The following MYH11 variants were observed in gnomAD, a reference collection of about 807,000 sequenced individuals.
MYH11 encodes the protein myosin-11.
A neutral mutation model predicts 246.6 loss-of-function variants in MYH11; 80 were observed. That is an observed-to-expected ratio of 0.32 (90% CI 0.27 to 0.39). The LOEUF (loss-of-function observed/expected upper bound fraction) is 0.39. Among genes scored for constraint, MYH11 ranks in the 10% least tolerant of loss-of-function variants. The pLI is 1.00. For missense variants in MYH11, 2,158 were observed against 2,546.8 expected (o/e 0.85, Z 3.29); for synonymous variants, 1,071 against 1,015.5 (o/e 1.05, Z -1.04).
chr16:15,798,426 T>C (rs1355333650), intron 4 of MYH11, among the ~76,000 whole-genome samples: 1 of 152,014 alleles, frequency 6.6e-6, no homozygotes, highest in Non-Finnish European at 1.5e-5. Context: ...TGGAACCAAA[T>C]GATAGCAGGT....
intron 27 of MYH11, among the ~76,000 whole-genome samples, chr16:15,729,178 A>T (rs1335483402): frequency 6.6e-6 from 1 of 152,032 alleles, no homozygotes; most frequent in Non-Finnish European, 1.5e-5. Context: ...ATGGGCTCCC[A>T]GAAACCTTAG....
At chr16:15,845,456 C>T (rs1049058700) in intron 1 of MYH11, among the ~76,000 whole-genome samples, 4 of 152,164 alleles carry the variant, frequency 2.6e-5, no homozygotes, top group African/African-American at 9.7e-5. Flanking sequence ...TACCCTTTCT[C>T]ACTTCCGGTG....
chr16:15,855,983 C>G (rs1193328388), intron 1 of MYH11, among the ~76,000 whole-genome samples: 2 of 152,174 alleles, frequency 1.3e-5, no homozygotes, highest in Non-Finnish European at 2.9e-5. Context: ...TACCTTTTCT[C>G]AAGTGGCAAA....
chr16:15,736,105 A>G (rs1317868970), intron 25 of MYH11, among the ~76,000 whole-genome samples: 1 of 152,200 alleles, frequency 6.6e-6, no homozygotes, highest in Non-Finnish European at 1.5e-5. Context: ...AAATGGCAGA[A>G]TGCTGCAGGA....
intron 26 of MYH11, among the ~76,000 whole-genome samples, chr16:15,734,168 T>A (rs1261842053): frequency 1.3e-5 from 2 of 152,264 alleles, no homozygotes; most frequent in African/African-American, 4.8e-5. Flanking sequence ...ATTTTATTTT[T>A]AAAATTTAAC....
intron 3 of MYH11, among the ~76,000 whole-genome samples, chr16:15,810,136 C>T (rs1317844525): frequency 6.6e-6 from 1 of 151,740 alleles, no homozygotes; most frequent in East Asian, 2.0e-4. Flanking sequence ...CAGGTTCAAG[C>T]GATTCTCCTG....
rs200979632 is a variant in MYH11, at chr16:15,753,375, C to T, written c.1864+19G>A. Reference sequence around the variant, plus strand: ...TCCAGCTCAAAGCAGAACATGGACCCGAGCAGAGAAGGCCTTACCGTCCTT... The same window carrying T: ...TCCAGCTCAAAGCAGAACATGGACCTGAGCAGAGAAGGCCTTACCGTCCTT... On this transcript the variant is annotated intron_variant, in intron 15 of 40. Transcript: ENST00000300036. 9.7e-5 allele frequency: 155 copies of T among 1,604,952 alleles called. No individual in the cohort carries two copies. The highest frequency in any genetic ancestry group is 1.6e-4 in the East Asian group (7 of 44,852).
At chr16:15,759,790 G>C in intron 11 of MYH11, 62 bp from the exon 12 acceptor site, 5 of 1,598,160 alleles carry the variant, frequency 3.1e-6, no homozygotes, top group Non-Finnish European at 4.3e-6. Context: ...ACATAAGCCA[G>C]GCTGGTGGTG....
chr16:15,727,491 G>A (rs1038764592), intron 27 of MYH11, among the ~76,000 whole-genome samples: 6 of 151,980 alleles, frequency 3.9e-5, no homozygotes, highest in Admixed American at 3.9e-4. Flanking sequence ...GTGAGCTGCC[G>A]CACCCAGCTG....
chr16:15,855,288 CAG>C (rs1430650876), intron 1 of MYH11, among the ~76,000 whole-genome samples: 1 of 152,234 alleles, frequency 6.6e-6, no homozygotes, highest in Non-Finnish European at 1.5e-5. Flanking sequence ...CCCCCTCAAT[CAG>C]GGGACAAACA....
Position 15,737,450 on chromosome 16 carries a change from T to C in MYH11, c.3292A>G (p.Arg1098Gly). 1 of 1,612,280 alleles carries C rather than the reference T, an allele frequency of 6.2e-7. No homozygotes were observed. The highest frequency in any genetic ancestry group is 8.5e-7 in the Non-Finnish European group (1 of 1,180,002). Residue 1098 changes from arginine (R) to glycine (G), a missense_variant and splice_region_variant, in exon 25 of 41, where the codon AGG becomes GGG. Transcript: ENST00000300036. ...AATGCCCCTTGCCAGCCCCGCTACC[T>C]GGCCAGGGCCGCCTGCAGCTCCTCC... ...KEEELQAALA[R>G]LDDEIAQKNN...
At chr16:15,842,762 CAAAAAAAAAAAAAAA>C (rs757920488) in intron 1 of MYH11, among the ~76,000 whole-genome samples, 7 of 19,642 alleles carry the variant, frequency 3.6e-4, no homozygotes, top group South Asian at 2.5e-3. Flanking sequence ...AGACTTCATC[CAAAAAAAAAAAAAAA>C]AAAAAAAAAA....
At chr16:15,837,834 C>T in intron 2 of MYH11, 74 bp downstream of exon 2, 4 of 1,385,104 alleles carry the variant, frequency 2.9e-6, no homozygotes, top group Middle Eastern at 3.6e-4. Context: ...TGTGCCCAGC[C>T]CTCCCAACAC....
intron 40 of MYH11, among the ~76,000 whole-genome samples, chr16:15,705,006 A>G (rs1488560772): frequency 6.6e-6 from 1 of 152,090 alleles, no homozygotes; most frequent in Non-Finnish European, 1.5e-5. Flanking sequence ...AAAGAAATTT[A>G]AGAGTCTCTC....
chr16:15,788,347 T>G (rs867809874), intron 4 of MYH11, among the ~76,000 whole-genome samples: 12 of 147,864 alleles, frequency 8.1e-5, no homozygotes, highest in South Asian at 2.1e-4. Context: ...TATAAGAGAG[T>G]TTTTTTTTTA....
At chr16:15,718,276 C>T (rs752164134) in intron 37 of MYH11, 39 bp downstream of exon 37, 5 of 1,605,570 alleles carry the variant, frequency 3.1e-6, no homozygotes, top group Non-Finnish European at 4.2e-6. Context: ...GCAGGAGAGA[C>T]AGTAGGCAGC....
At chr16:15,763,741 T>TCG in intron 10 of MYH11, 55 bp downstream of exon 10, 7 of 646,858 alleles carry the variant, frequency 1.1e-5, no homozygotes, top group East Asian at 3.2e-5. Context: ...AAATGTCACC[T>TCG]CCCCCACCCC....
At chr16:15,778,723 C>G (rs191327799) in intron 7 of MYH11, 57 bp downstream of exon 7, 1 of 1,542,210 alleles carries the variant, frequency 6.5e-7, no homozygotes, top group Non-Finnish European at 9.0e-7. Flanking sequence ...AGCCTCTGGG[C>G]AGGAGATTGG....
Position 15,741,905 on chromosome 16 carries a change from G to A in MYH11, c.2521-14C>T, listed in dbSNP as rs756845700. 6.2e-7 allele frequency: 1 copy of A among 1,614,142 alleles called. No homozygotes were observed. The highest frequency in any genetic ancestry group is 8.5e-7 in the Non-Finnish European group (1 of 1,180,020). ...CAGTGGCTTCACCTGCACACACACG[G>A]TTAGCCCATCATTTGTTTTTGTGGC... On this transcript the variant is annotated splice_polypyrimidine_tract_variant and intron_variant, in intron 20 of 40. Coordinates refer to ENST00000300036, the MANE Select transcript of MYH11 (RefSeq NM_002474.3).
Sources: gnomAD v4.1 joint callset for allele counts (sites outside exome capture counted in the v4.1 genomes callset) on GRCh38, gnomAD v4.1.1 for gene constraint, MANE v1.5 for transcripts, NCBI Gene and HGNC (gene_info 2026-07-23, HGNC 2026-07-21) for gene names.